Variants in CHRM3 observed in about 807,000 individuals in gnomAD.
CHRM3 encodes muscarinic acetylcholine receptor M3.
CHRM3 carries 11 observed loss-of-function variants against 41.8 expected under a neutral mutation model. The observed-to-expected ratio is 0.26, with a 90% CI of 0.17 to 0.44. CHRM3 has a LOEUF of 0.44. Ranked by LOEUF, CHRM3 falls within the 20% of genes least tolerant of loss-of-function variation. CHRM3 has a pLI of 1.00. For synonymous variants in CHRM3, 297 were observed against 301.4 expected (o/e 0.99, Z 0.15); for missense variants, 571 against 745.4 (o/e 0.77, Z 2.72).
intron 2 of CHRM3, among the ~76,000 whole-genome samples, chr1:239,516,897 T>G (rs570688506): frequency 6.6e-6 from 1 of 152,058 alleles, no homozygotes; most frequent in Non-Finnish European, 1.5e-5. Context: ...AGGATCTAGG[T>G]TGCACACTCC....
chr1:239,538,017 G>A (rs1318092659), intron 2 of CHRM3, among the ~76,000 whole-genome samples: 1 of 152,194 alleles, frequency 6.6e-6, no homozygotes, highest in Non-Finnish European at 1.5e-5. Context: ...GTAGCCACGT[G>A]AGCAGTGTTA....
At chr1:239,723,807 C>G (rs1471748977) in intron 5 of CHRM3, among the ~76,000 whole-genome samples, 2 of 151,776 alleles carry the variant, frequency 1.3e-5, no homozygotes, top group South Asian at 4.1e-4. Flanking sequence ...CACCATTTAG[C>G]CTCTTGGGAT....
intron 6 of CHRM3, among the ~76,000 whole-genome samples, chr1:239,874,006 T>C (rs995094872): frequency 2.0e-5 from 3 of 151,798 alleles, no homozygotes; most frequent in Admixed American, 2.0e-4. Context: ...GACTAGAAAT[T>C]TTACATACAT....
At chr1:239,900,328 A>C (rs1679422628) in intron 6 of CHRM3, among the ~76,000 whole-genome samples, 1 of 152,040 alleles carries the variant, frequency 6.6e-6, no homozygotes, top group Admixed American at 6.6e-5. Flanking sequence ...GATATACCTG[A>C]AGTAAAACAT....
At position 239,830,830 on chromosome 1, in the gene CHRM3, G is replaced by A. The variant is rs377734664; in HGVS notation, c.-20+3452G>A. ...CGCTAGGCTCCTACACCCAACCTCTGCAGGACCACCCTACAGACTCTCACC... is the reference window on the plus strand; with the variant it reads ...CGCTAGGCTCCTACACCCAACCTCTACAGGACCACCCTACAGACTCTCACC... On this transcript the variant is annotated intron_variant, in intron 6 of 6. Transcript: ENST00000676153. Among the ~76,000 whole-genome samples, 17 of 152,242 alleles carry A rather than the reference G, an allele frequency of 1.1e-4. 1 individual carries two copies. The East Asian group carries it at 2.7e-3, about 24-fold the overall frequency.
At chr1:239,867,098 C>T (rs886761897) in intron 6 of CHRM3, among the ~76,000 whole-genome samples, 2 of 152,184 alleles carry the variant, frequency 1.3e-5, no homozygotes, top group African/African-American at 4.8e-5. Context: ...CCCAGACAGC[C>T]ATCTTCTTTA....
rs570711417 is a variant in CHRM3, at chr1:239,752,688, C to T, written c.-147+74400C>T. ...AATAATGTTGTCAGGTTGTGACAAACGACTGTCATATTTATTCATTCAAAC... is the reference window on the plus strand; with the variant it reads ...AATAATGTTGTCAGGTTGTGACAAATGACTGTCATATTTATTCATTCAAAC... On this transcript the variant is annotated intron_variant, in intron 5 of 6. Coordinates refer to ENST00000676153, the MANE Select transcript of CHRM3 (RefSeq NM_001375978.1). Among the ~76,000 whole-genome samples, 39 of 152,120 alleles carry T rather than the reference C, an allele frequency of 2.6e-4. No homozygotes were observed. The South Asian group carries it at 6.4e-3, about 25-fold the overall frequency.
chr1:239,725,835 C>T (rs1663387218), intron 5 of CHRM3, among the ~76,000 whole-genome samples: 1 of 151,866 alleles, frequency 6.6e-6, no homozygotes, highest in African/African-American at 2.4e-5. Context: ...AAAATAATGG[C>T]TTGAATTCAA....
At chr1:239,424,102 T>C (rs1352523547) in intron 1 of CHRM3, among the ~76,000 whole-genome samples, 1 of 151,820 alleles carries the variant, frequency 6.6e-6, no homozygotes, top group Non-Finnish European at 1.5e-5. Context: ...AATGCCTCTT[T>C]CTTTGTGGAG....
At chr1:239,846,262 A>G (rs905382421) in intron 6 of CHRM3, among the ~76,000 whole-genome samples, 8 of 152,202 alleles carry the variant, frequency 5.3e-5, no homozygotes, top group African/African-American at 1.2e-4. Context: ...TGAAAGGCCT[A>G]TAACAAAAAT....
chr1:239,600,947 G>C (rs1200527036), intron 3 of CHRM3, among the ~76,000 whole-genome samples: 2 of 152,012 alleles, frequency 1.3e-5, no homozygotes, highest in African/African-American at 4.8e-5. Flanking sequence ...TCCATATAGT[G>C]CAACAAAGTC....
intron 6 of CHRM3, among the ~76,000 whole-genome samples, chr1:239,863,423 T>C (rs1223259976): frequency 6.6e-6 from 1 of 152,182 alleles, no homozygotes; most frequent in Non-Finnish European, 1.5e-5. Context: ...AGACTCACAA[T>C]GCCCAAGAGA....
intron 1 of CHRM3, among the ~76,000 whole-genome samples, chr1:239,483,268 G>C (rs929977601): frequency 6.6e-6 from 1 of 152,200 alleles, no homozygotes; most frequent in Non-Finnish European, 1.5e-5. Flanking sequence ...CAGAAGTGTT[G>C]TCCCAGTAGA....
intron 3 of CHRM3, among the ~76,000 whole-genome samples, chr1:239,571,693 G>C (rs372501875): frequency 1.3e-5 from 2 of 152,062 alleles, no homozygotes; most frequent in Non-Finnish European, 2.9e-5. Context: ...TCTCCTGCAC[G>C]TCATTACACT....
rs147046136 is a variant in CHRM3 at position 239,659,956 on chromosome 1, G to A, written c.-249-18230G>A. ...AGTTTCTCTTTCTTAATTTCTAACTGTCTTATTCTTCTTTACTTATTAGAG... is the reference window on the plus strand; with the variant it reads ...AGTTTCTCTTTCTTAATTTCTAACTATCTTATTCTTCTTTACTTATTAGAG... On this transcript the variant is annotated intron_variant, in intron 4 of 6. Coordinates refer to ENST00000676153, the MANE Select transcript of CHRM3 (RefSeq NM_001375978.1). 3.9e-5 allele frequency among the ~76,000 whole-genome samples: 6 copies of A among 152,138 alleles called. No homozygotes were observed. In the East Asian group the frequency reaches 1.2e-3, roughly 29 times the overall value.
chr1:239,649,706 T>A (rs1442136146), intron 4 of CHRM3, among the ~76,000 whole-genome samples: 1 of 152,088 alleles, frequency 6.6e-6, no homozygotes, highest in Admixed American at 6.6e-5. Flanking sequence ...GAAAGAGGAC[T>A]ACTGCAGGAG....
chr1:239,817,793 C>G (rs1159921825), intron 5 of CHRM3, among the ~76,000 whole-genome samples: 1 of 152,080 alleles, frequency 6.6e-6, no homozygotes, highest in East Asian at 1.9e-4. Flanking sequence ...TCCCATTAAG[C>G]AGCTACAATG....
chr1:239,650,325 T>C lies in CHRM3; in HGVS notation c.-250+18039T>C, dbSNP rs1234928717. On this transcript the variant is annotated intron_variant, in intron 4 of 6. Transcript: ENST00000676153. ...GTCATGGCCTGCCAAGGTTAGCAGT[T>C]AGTATTTCACTGCTCTAAGCCTTAG... 4.6e-5 allele frequency among the ~76,000 whole-genome samples: 7 copies of C among 152,380 alleles called. No individual in the cohort carries two copies. In the East Asian group the frequency reaches 1.3e-3, roughly 29 times the overall value.
At chr1:239,744,337 C>T (rs940210457) in intron 5 of CHRM3, among the ~76,000 whole-genome samples, 1 of 151,918 alleles carries the variant, frequency 6.6e-6, no homozygotes, top group Non-Finnish European at 1.5e-5. Flanking sequence ...GATAAATATT[C>T]TAGGGGAAAA....
Sources: gnomAD v4.1 joint callset for allele counts (sites outside exome capture counted in the v4.1 genomes callset) on GRCh38, gnomAD v4.1.1 for gene constraint, MANE v1.5 for transcripts, NCBI Gene and HGNC (gene_info 2026-07-23, HGNC 2026-07-21) for gene names.